The following CRIM1 variants were observed in gnomAD, a reference collection of about 807,000 sequenced individuals.
CRIM1 encodes the protein cysteine-rich motor neuron 1 protein.
CRIM1 carries 32 observed loss-of-function variants against 116.4 expected under a neutral mutation model. That is an observed-to-expected ratio of 0.27 (90% CI 0.21 to 0.37). The LOEUF (loss-of-function observed/expected upper bound fraction) is 0.37, where lower values mean the gene tolerates loss of function less well. Ranked by LOEUF, CRIM1 falls within the 10% of genes least tolerant of loss-of-function variation. The probability of loss-of-function intolerance (pLI) is 1.00; values close to 1 mark genes in which losing one functional copy is unlikely to be tolerated. For missense variants in CRIM1, 1,331 were observed against 1,354.8 expected (o/e 0.98, Z 0.28); for synonymous variants, 590 against 509.2 (o/e 1.16, Z -2.13).
chr2:36,447,764 C>G (rs538948713), intron 4 of CRIM1, among the ~76,000 whole-genome samples: 318 of 152,302 alleles, frequency 2.1e-3, no homozygotes, highest in African/African-American at 7.1e-3. Context: ...CATTTTTAAT[C>G]CACCCTAATC....
chr2:36,481,363 C>T (rs1423366691), intron 7 of CRIM1, among the ~76,000 whole-genome samples: 1 of 152,132 alleles, frequency 6.6e-6, no homozygotes, highest in Non-Finnish European at 1.5e-5. Flanking sequence ...AGTGTGGTCA[C>T]TTAGAATTTG....
At chr2:36,533,709 T>C (rs578221649) in intron 13 of CRIM1, among the ~76,000 whole-genome samples, 1 of 152,356 alleles carries the variant, frequency 6.6e-6, no homozygotes, top group South Asian at 2.1e-4. Context: ...TCTCATACAG[T>C]TACTGAAAGA....
At chr2:36,490,765 C>T (rs991251620) in intron 7 of CRIM1, among the ~76,000 whole-genome samples, 1 of 152,144 alleles carries the variant, frequency 6.6e-6, no homozygotes, top group African/African-American at 2.4e-5. Context: ...GACCCACTCT[C>T]CCATCCTGTC....
intron 9 of CRIM1, 112 bp downstream of exon 9, chr2:36,510,251 A>C: frequency 1.0e-6 from 1 of 986,032 alleles, no homozygotes; most frequent in Non-Finnish European, 1.5e-6. Context: ...TATTGAGCCC[A>C]GAATGTCTAT....
In CRIM1 at chr2:36,550,835, GT is replaced by G. The variant is rs536859327; in HGVS notation, c.*2140del. 1 of 152,238 alleles carries G rather than the reference GT, an allele frequency of 6.6e-6. No individual in the cohort carries two copies. The highest frequency in any genetic ancestry group is 2.4e-5 in the African/African-American group (1 of 41,362). 9.4% of individuals were successfully genotyped at this position (152,238 alleles called of 1,614,324 possible). On this transcript the variant is annotated 3_prime_UTR_variant, in exon 17 of 17. Transcript: ENST00000280527. The stretch of plus-strand genomic sequence containing the variant: ...AAAAAATTGTAGATGCTTGCTTTTT[GT>G]TTTTTCAATCATGGCCATATTATGA...
chr2:36,362,243 T>C (rs907145550), intron 1 of CRIM1, among the ~76,000 whole-genome samples: 5 of 152,174 alleles, frequency 3.3e-5, no homozygotes, highest in Non-Finnish European at 5.9e-5. Flanking sequence ...TAGTGAAATA[T>C]ATGGATAAAA....
At chr2:36,526,110 C>T (rs1179241276) in intron 13 of CRIM1, among the ~76,000 whole-genome samples, 1 of 152,156 alleles carries the variant, frequency 6.6e-6, no homozygotes, top group Non-Finnish European at 1.5e-5. Flanking sequence ...TTAGGGAATT[C>T]ATTGTTCTAC....
chr2:36,480,956 G>T (rs1679372933), intron 7 of CRIM1, among the ~76,000 whole-genome samples: 1 of 152,192 alleles, frequency 6.6e-6, no homozygotes, highest in Non-Finnish European at 1.5e-5. Flanking sequence ...AGGAAAGGGT[G>T]CCTTACTGAA....
chr2:36,512,191 T>G, intron 9 of CRIM1, 82 bp from the exon 10 acceptor site: 1 of 1,498,722 alleles, frequency 6.7e-7, no homozygotes, highest in South Asian at 1.2e-5. Context: ...CAATATCACT[T>G]TATTGACCCT....
intron 13 of CRIM1, chr2:36,529,017 T>C: frequency 2.4e-6 from 1 of 423,312 alleles, no homozygotes; most frequent in Non-Finnish European, 4.9e-6. Flanking sequence ...ACCCCTAAGC[T>C]GCATAGTCTT....
chr2:36,513,864 A>T (rs903531812), intron 11 of CRIM1, 99 bp downstream of exon 11: 1 of 1,015,690 alleles, frequency 9.8e-7, no homozygotes. Context: ...GGAGGGGACA[A>T]CCCCTGGAAC....
intron 8 of CRIM1, among the ~76,000 whole-genome samples, chr2:36,507,058 C>G (rs1433765394): frequency 6.6e-6 from 1 of 152,108 alleles, no homozygotes; most frequent in African/African-American, 2.4e-5. Context: ...CAAGGTCTCA[C>G]TATGTTGCAC....
At chr2:36,404,378 A>G (rs6755048) in intron 2 of CRIM1, among the ~76,000 whole-genome samples, 106,051 of 152,074 alleles carry the variant, frequency 0.7, 37,454 homozygotes, top group East Asian at 0.89. Context: ...GAGTAGAAGC[A>G]CTGAAATGAT....
chr2:36,385,337 A>G (rs3770945), intron 1 of CRIM1, among the ~76,000 whole-genome samples: 54,684 of 152,100 alleles, frequency 0.36, 9,942 homozygotes, highest in South Asian at 0.46. Context: ...CTGATTTCAC[A>G]AAGTTGTTAT....
chr2:36,391,762 G>C (rs1442138365), intron 1 of CRIM1, among the ~76,000 whole-genome samples: 1 of 148,252 alleles, frequency 6.7e-6, no homozygotes. Context: ...CATTTTATTT[G>C]CTTTTTTTTC....
chr2:36,402,207 C>T (rs1672460522), intron 2 of CRIM1, among the ~76,000 whole-genome samples: 1 of 152,040 alleles, frequency 6.6e-6, no homozygotes, highest in Non-Finnish European at 1.5e-5. Context: ...AAAACAGTAA[C>T]CAGTATGCTG....
intron 2 of CRIM1, among the ~76,000 whole-genome samples, chr2:36,407,596 T>G (rs755121086): frequency 1.3e-5 from 2 of 151,818 alleles, no homozygotes; most frequent in Non-Finnish European, 2.9e-5. Flanking sequence ...GAACTTGGCC[T>G]GAGACCAGTT....
intron 7 of CRIM1, among the ~76,000 whole-genome samples, chr2:36,495,401 A>G (rs1190965706): frequency 6.6e-6 from 1 of 152,128 alleles, no homozygotes; most frequent in Non-Finnish European, 1.5e-5. Flanking sequence ...AGAATGCTCT[A>G]ACTTTTAGAC....
At chr2:36,432,629 T>C (rs1001752950) in intron 2 of CRIM1, among the ~76,000 whole-genome samples, 1 of 152,114 alleles carries the variant, frequency 6.6e-6, no homozygotes, top group Non-Finnish European at 1.5e-5. Flanking sequence ...CCCAGGAAGC[T>C]CTGACTTTTC....
Sources: gnomAD v4.1 joint callset for allele counts (sites outside exome capture counted in the v4.1 genomes callset) on GRCh38, gnomAD v4.1.1 for gene constraint, MANE v1.5 for transcripts, NCBI Gene and HGNC (gene_info 2026-07-23, HGNC 2026-07-21) for gene names.